The following GLIS1 variants were observed in gnomAD, a reference collection of about 807,000 sequenced individuals.
GLIS1 encodes GLIS family zinc finger 1, also known as zinc finger protein GLIS1.
GLIS1 carries 24 observed loss-of-function variants against 63.8 expected under a neutral mutation model. The ratio of observed to expected loss-of-function variants is 0.38; its 90% CI spans 0.27 to 0.53. The LOEUF (loss-of-function observed/expected upper bound fraction) is 0.53. Ranked by LOEUF, GLIS1 falls within the 20% of genes least tolerant of loss-of-function variation. GLIS1 has a pLI of 0.85. For missense variants in GLIS1, 1,036 were observed against 1,074.1 expected (o/e 0.96, Z 0.50); for synonymous variants, 450 against 482.5 (o/e 0.93, Z 0.88).
intron 2 of GLIS1, among the ~76,000 whole-genome samples, chr1:53,716,949 G>C (rs930201681): frequency 6.6e-6 from 1 of 152,206 alleles, no homozygotes; most frequent in Non-Finnish European, 1.5e-5. Context: ...CAGAACACGA[G>C]AGAGAGACAG....
At chr1:53,611,000 T>G (rs2100572771) in intron 2 of GLIS1, among the ~76,000 whole-genome samples, 1 of 152,290 alleles carries the variant, frequency 6.6e-6, no homozygotes, top group South Asian at 2.1e-4. Context: ...TCATTTAAAA[T>G]TTTTCATTTT....
chr1:53,738,044 C>T lies in GLIS1; in HGVS notation c.21G>A (p.Glu7=). The T allele has an allele frequency of 8.1e-7, 1 of 1,230,658 alleles. No homozygotes were observed. Among genetic ancestry groups the T allele is most frequent in the Non-Finnish European group, 1.0e-6 (1 of 987,232 alleles). The allele number at this position is 1,230,658 out of a possible 1,614,324, so 76.2% of individuals were successfully genotyped here. Residue 7 remains glutamate (E), a synonymous_variant, in exon 2 of 11, where the codon GAG becomes GAA. Coordinates refer to ENST00000628545, the MANE Select transcript of GLIS1 (RefSeq NM_001367484.1). The stretch of plus-strand genomic sequence containing the variant: ...CCTTAGGCCTCTTGTCCGAGTGTGC[C>T]TCAGCCACCTCGCAATGCATGGCGC... MHCEVA[E]AHSDKRPKEA... is the part of the protein sequence containing the mutation.
intron 4 of GLIS1, among the ~76,000 whole-genome samples, chr1:53,579,897 C>T (rs2100492243): frequency 6.6e-6 from 1 of 152,314 alleles, no homozygotes; most frequent in South Asian, 2.1e-4. Flanking sequence ...GGGCAATGGT[C>T]CCAATGACAT....
At chr1:53,688,547 G>A (rs930682378) in intron 2 of GLIS1, among the ~76,000 whole-genome samples, 4 of 152,144 alleles carry the variant, frequency 2.6e-5, no homozygotes, top group Non-Finnish European at 5.9e-5. Flanking sequence ...CTCCCGACTG[G>A]GAACTAGGAT....
At chr1:53,657,305 AC>A (rs903394408) in intron 2 of GLIS1, among the ~76,000 whole-genome samples, 1 of 152,184 alleles carries the variant, frequency 6.6e-6, no homozygotes, top group Non-Finnish European at 1.5e-5. Flanking sequence ...AGTGGCTGGC[AC>A]CCAGCACCTG....
At chr1:53,559,731 C>T (rs533678793) in intron 4 of GLIS1, among the ~76,000 whole-genome samples, 5 of 152,312 alleles carry the variant, frequency 3.3e-5, no homozygotes, top group East Asian at 3.9e-4. Context: ...GCCAGCCACC[C>T]GCCATGCACG....
At chr1:53,558,737 T>C (rs1644857445) in intron 4 of GLIS1, among the ~76,000 whole-genome samples, 1 of 152,184 alleles carries the variant, frequency 6.6e-6, no homozygotes, top group African/African-American at 2.4e-5. Context: ...AGTGAATGAA[T>C]GAATTAATAA....
chr1:53,625,091 A>G (rs1424338978), intron 2 of GLIS1, among the ~76,000 whole-genome samples: 1 of 152,220 alleles, frequency 6.6e-6, no homozygotes, highest in Non-Finnish European at 1.5e-5. Context: ...AAACAAATGC[A>G]AGTCCAGCTT....
At chr1:53,550,112 T>C (rs1644743666) in intron 4 of GLIS1, among the ~76,000 whole-genome samples, 1 of 152,232 alleles carries the variant, frequency 6.6e-6, no homozygotes, top group South Asian at 2.1e-4. Flanking sequence ...TTGCCAGCCC[T>C]GTATTCAATT....
chr1:53,510,092 T>G, intron 8 of GLIS1, 65 bp from the exon 9 acceptor site: 1 of 970,092 alleles, frequency 1.0e-6, no homozygotes, highest in Non-Finnish European at 1.4e-6. Flanking sequence ...GAGGCAGGGC[T>G]GCTGCGGCTT....
intron 2 of GLIS1, among the ~76,000 whole-genome samples, chr1:53,650,892 C>T (rs1645899915): frequency 6.6e-6 from 1 of 152,178 alleles, no homozygotes; most frequent in Non-Finnish European, 1.5e-5. Context: ...TCTAATAAAA[C>T]CTCCTCACCA....
In GLIS1 at chr1:53,630,699, G is replaced by A. The variant is rs1569949777; in HGVS notation, c.260-30421C>T. ...TTTAGTAGAGATGGGGTTTCACCAT[G>A]TTGGCCAGCCTGGTCTCGAACTCCA... On this transcript the variant is annotated intron_variant, in intron 2 of 10. Transcript: ENST00000628545. Among the ~76,000 whole-genome samples, 3 of 152,130 alleles carry A rather than the reference G, an allele frequency of 2.0e-5. No homozygotes were observed. The East Asian group carries it at 5.8e-4, about 29-fold the overall frequency.
intron 2 of GLIS1, among the ~76,000 whole-genome samples, chr1:53,663,190 C>A (rs1053251211): frequency 6.6e-6 from 1 of 152,238 alleles, no homozygotes; most frequent in Admixed American, 6.5e-5. Context: ...CCAGCCCCAT[C>A]TGCACACTTG....
chr1:53,650,498 G>A (rs763839612), intron 2 of GLIS1, among the ~76,000 whole-genome samples: 2 of 151,124 alleles, frequency 1.3e-5, no homozygotes, highest in Non-Finnish European at 2.9e-5. Context: ...GCTAAGGCAG[G>A]AGAATTGCTT....
intron 2 of GLIS1, among the ~76,000 whole-genome samples, chr1:53,635,619 T>C (rs1645715600): frequency 6.6e-6 from 1 of 151,492 alleles, no homozygotes; most frequent in Non-Finnish European, 1.5e-5. Context: ...AAAATATATA[T>C]ACACAGGCAC....
intron 4 of GLIS1, among the ~76,000 whole-genome samples, chr1:53,549,316 G>A (rs979965090): frequency 2.0e-5 from 3 of 152,196 alleles, no homozygotes; most frequent in African/African-American, 7.2e-5. Flanking sequence ...GACATTGATG[G>A]ATCATATGTT....
intron 4 of GLIS1, among the ~76,000 whole-genome samples, chr1:53,547,826 A>C (rs1644719976): frequency 6.6e-6 from 1 of 152,188 alleles, no homozygotes; most frequent in African/African-American, 2.4e-5. Context: ...TCTCATTAGA[A>C]ATATGGTTCA....
At chr1:53,538,475 G>A (rs1644605018) in intron 4 of GLIS1, among the ~76,000 whole-genome samples, 1 of 152,150 alleles carries the variant, frequency 6.6e-6, no homozygotes, top group African/African-American at 2.4e-5. Flanking sequence ...GAGTCCCAGC[G>A]CTCACTCATG....
chr1:53,691,443 T>G (rs969503837), intron 2 of GLIS1, among the ~76,000 whole-genome samples: 2 of 152,182 alleles, frequency 1.3e-5, no homozygotes, highest in Non-Finnish European at 2.9e-5. Context: ...GGGCCCACTC[T>G]GGACTCCATG....
Sources: allele counts gnomAD v4.1 joint callset (sites outside exome capture counted in the v4.1 genomes callset), GRCh38; gene constraint gnomAD v4.1.1; transcripts MANE v1.5; gene names NCBI Gene and HGNC (gene_info 2026-07-23, HGNC 2026-07-21).